The following SNAP25 variants were observed in gnomAD, a reference collection of about 807,000 sequenced individuals.
The protein encoded by SNAP25 is synaptosome associated protein 25.
SNAP25 carries 3 observed loss-of-function variants against 28.7 expected under a neutral mutation model. The observed-to-expected ratio is 0.10, with a 90% CI of 0.05 to 0.27. The LOEUF is 0.27. Ranked by LOEUF, SNAP25 falls within the 10% of genes least tolerant of loss-of-function variation. SNAP25 has a pLI of 1.00. For synonymous variants in SNAP25, 61 were observed against 88.1 expected, an observed-to-expected ratio of 0.69 and a Z score of 1.72; for missense variants, 117 against 278.7, an observed-to-expected ratio of 0.42 and a Z score of 4.13.
chr20:10,286,984 T>TAA (rs566487361), intron 4 of SNAP25, among the ~76,000 whole-genome samples: 4 of 151,920 alleles, frequency 2.6e-5, no homozygotes, highest in African/African-American at 9.7e-5. Context: ...TCATTGCTTT[T>TAA]AAAAAAAATA....
intron 4 of SNAP25, among the ~76,000 whole-genome samples, chr20:10,285,093 C>G (rs1171077103): frequency 6.6e-6 from 1 of 152,084 alleles, no homozygotes; most frequent in Non-Finnish European, 1.5e-5. Flanking sequence ...TTCTTATTAT[C>G]TTTGCCCCTA....
intron 4 of SNAP25, among the ~76,000 whole-genome samples, chr20:10,291,569 A>G (rs1221570602): frequency 1.3e-5 from 2 of 152,224 alleles, no homozygotes; most frequent in Non-Finnish European, 2.9e-5. Context: ...CTTTAGCCTC[A>G]CGAAAGAAAA....
At position 10,306,669 on chromosome 20, in the gene SNAP25, G is replaced by C. The variant is rs1041093301; in HGVS notation, c.*472G>C. ...ATCTGTCTTTATGATTTCATGATTA[G>C]ACAATGTGGAATTACATAACAGGCA... On this transcript the variant is annotated 3_prime_UTR_variant, in exon 8 of 8. Transcript: ENST00000254976. 6.5e-6 allele frequency: 1 copy of C among 153,592 alleles called. No individual in the cohort carries two copies. The highest frequency in any genetic ancestry group is 1.9e-4 in the East Asian group (1 of 5,198). 9.5% of individuals were successfully genotyped at this position (153,592 alleles called of 1,614,324 possible). A position where few individuals can be genotyped will look rare whatever the true frequency, so the allele number is the denominator to read the frequency against.
At chr20:10,232,601 C>T (rs907434035) in intron 1 of SNAP25, among the ~76,000 whole-genome samples, 4 of 152,302 alleles carry the variant, frequency 2.6e-5, no homozygotes, top group Admixed American at 6.5e-5. Flanking sequence ...ATTCCCTCCA[C>T]GTTACAATTC....
At chr20:10,247,089 C>A (rs1200343199) in intron 1 of SNAP25, among the ~76,000 whole-genome samples, 1 of 152,008 alleles carries the variant, frequency 6.6e-6, no homozygotes, top group Non-Finnish European at 1.5e-5. Context: ...TGGCCTCATG[C>A]GTCCAGTTAA....
At chr20:10,240,689 C>T (rs146336431) in intron 1 of SNAP25, among the ~76,000 whole-genome samples, 1 of 152,166 alleles carries the variant, frequency 6.6e-6, no homozygotes, top group Admixed American at 6.5e-5. Context: ...ATTTCTTAGC[C>T]GCCAGGCCTC....
Position 10,299,388 on chromosome 20 carries a change from C to G in SNAP25, c.528C>G (p.Arg176=), listed in dbSNP as rs1166647040. The change falls in exon 7 of 8, where the codon CGC becomes CGG. Residue 176 remains arginine (R), a synonymous_variant. Coordinates refer to ENST00000254976, the MANE Select transcript of SNAP25 (RefSeq NM_130811.4). ...GCAATGAGATCGATACACAGAATCG[C>G]CAGATCGACAGGATCATGGAGAAGG... ...DMGNEIDTQN[R]QIDRIMEKAD... 6.2e-7 allele frequency: 1 copy of G among 1,613,624 alleles called. No individual in the cohort carries two copies. The highest frequency in any genetic ancestry group is 1.3e-5 in the African/African-American group (1 of 74,898).
At chr20:10,235,847 G>A (rs1226767447) in intron 1 of SNAP25, among the ~76,000 whole-genome samples, 1 of 152,166 alleles carries the variant, frequency 6.6e-6, no homozygotes, top group East Asian at 1.9e-4. Context: ...CAGACATGGT[G>A]GGAGTTACAG....
chr20:10,267,852 T>C (rs2063531063), intron 1 of SNAP25, among the ~76,000 whole-genome samples: 1 of 152,184 alleles, frequency 6.6e-6, no homozygotes, highest in South Asian at 2.1e-4. Flanking sequence ...GCCCGGCCAA[T>C]AGTCTCCAGT....
intron 3 of SNAP25, among the ~76,000 whole-genome samples, chr20:10,278,455 G>A (rs892255193): frequency 6.6e-6 from 1 of 152,174 alleles, no homozygotes; most frequent in Non-Finnish European, 1.5e-5. Flanking sequence ...AGTCGGCCAG[G>A]CAAAATAAAT....
intron 1 of SNAP25, among the ~76,000 whole-genome samples, chr20:10,267,813 G>A (rs890310808): frequency 5.9e-5 from 9 of 152,180 alleles, no homozygotes; most frequent in African/African-American, 2.2e-4. Context: ...GCCTCCCAAA[G>A]TGCTGGGATT....
At position 10,255,829 on chromosome 20, in the gene SNAP25, C is replaced by T. The variant is rs363057; in HGVS notation, c.-63-19600C>T. 7.6e-3 allele frequency among the ~76,000 whole-genome samples: 1,161 copies of T among 152,014 alleles called. 18 individuals are homozygous for T. The highest frequency in any genetic ancestry group is 0.026 in the African/African-American group (1,092 of 41,438). ...ACGGATTTTGTATAGGGCTATTAAG[C>T]GCAGAACAGTGAGACTATGATAATT... On this transcript the variant is annotated intron_variant, in intron 1 of 7. Coordinates refer to ENST00000254976, the MANE Select transcript of SNAP25 (RefSeq NM_130811.4).
intron 1 of SNAP25, among the ~76,000 whole-genome samples, chr20:10,240,699 C>T (rs1342688554): frequency 1.3e-5 from 2 of 152,214 alleles, no homozygotes; most frequent in African/African-American, 2.4e-5. Flanking sequence ...CGCCAGGCCT[C>T]GTTCTGAACT....
chr20:10,238,151 C>G (rs890424212), intron 1 of SNAP25, among the ~76,000 whole-genome samples: 3 of 152,166 alleles, frequency 2.0e-5, no homozygotes, highest in Non-Finnish European at 2.9e-5. Context: ...TACCCACCCA[C>G]CCATGATCTG....
At chr20:10,243,173 G>A (rs1266764550) in intron 1 of SNAP25, among the ~76,000 whole-genome samples, 3 of 152,192 alleles carry the variant, frequency 2.0e-5, no homozygotes, top group Non-Finnish European at 2.9e-5. Context: ...AGAAGCCCAG[G>A]TCGTATCCTG....
At chr20:10,301,684 A>G (rs972988761) in intron 7 of SNAP25, among the ~76,000 whole-genome samples, 4 of 151,950 alleles carry the variant, frequency 2.6e-5, no homozygotes, top group South Asian at 2.1e-4. Context: ...AGCTCTATCA[A>G]TCATGATCTT....
chr20:10,253,102 C>T (rs1307502555), intron 1 of SNAP25, among the ~76,000 whole-genome samples: 2 of 152,102 alleles, frequency 1.3e-5, no homozygotes, highest in Non-Finnish European at 1.5e-5. Flanking sequence ...GAATGAGAGA[C>T]GATGAGACAA....
chr20:10,242,584 G>A (rs1458119864), intron 1 of SNAP25, among the ~76,000 whole-genome samples: 1 of 152,162 alleles, frequency 6.6e-6, no homozygotes, highest in African/African-American at 2.4e-5. Context: ...TACTGAGAGA[G>A]GAGAGGGAGG....
chr20:10,296,894 T>G, intron 5 of SNAP25, 31 bp from the exon 6 acceptor site: 2 of 1,613,566 alleles, frequency 1.2e-6, no homozygotes, highest in Non-Finnish European at 8.5e-7. Flanking sequence ...TCCACCCCTG[T>G]GCCTTGTCAC....
Sources: allele counts gnomAD v4.1 joint callset (sites outside exome capture counted in the v4.1 genomes callset), GRCh38; gene constraint gnomAD v4.1.1; transcripts MANE v1.5; gene names NCBI Gene and HGNC (gene_info 2026-07-23, HGNC 2026-07-21).